Variants in DIS3L2 observed in about 807,000 individuals in gnomAD.
DIS3L2 encodes the protein DIS3-like exonuclease 2.
A neutral mutation model predicts 97.5 loss-of-function variants in DIS3L2; 34 were observed. The ratio of observed to expected loss-of-function variants is 0.35; its 90% confidence interval spans 0.27 to 0.46. The LOEUF (loss-of-function observed/expected upper bound fraction) is 0.46, where lower values mean the gene tolerates loss of function less well. Among genes scored for constraint, DIS3L2 ranks in the 20% least tolerant of loss-of-function variants. The probability of loss-of-function intolerance (pLI) is 1.00; values close to 1 mark genes in which losing one functional copy is unlikely to be tolerated. For synonymous variants in DIS3L2, 435 were observed against 445.2 expected, an observed-to-expected ratio of 0.98 and a Z score of 0.29; for missense variants, 1,038 against 1,146.0, an observed-to-expected ratio of 0.91 and a Z score of 1.36.
At position 232,335,976 on chromosome 2, in the gene DIS3L2, A is replaced by G. The variant is rs995131766; in HGVS notation, c.2496+102A>G. 17 of 1,536,030 alleles carry G rather than the reference A, an allele frequency of 1.1e-5. No individual in the cohort carries two copies. In the Middle Eastern group the frequency reaches 6.7e-4, roughly 61 times the overall value. ...TCATCTGTGTCCCCTGGGCTCCCCC[A>G]GCACTGCAGCCTCCCGGGTGGGGTT... On this transcript the variant is annotated intron_variant, in intron 20 of 20. Transcript: ENST00000325385.
chr2:232,334,884 G>C (rs1695890135), intron 19 of DIS3L2, 149 bp downstream of exon 19: 2 of 654,818 alleles, frequency 3.1e-6, no homozygotes, highest in Non-Finnish European at 5.2e-6. Flanking sequence ...GAGACGCCCA[G>C]CTCTCCCACC....
At chr2:232,044,582 TAC>T (rs1695188933) in intron 5 of DIS3L2, among the ~76,000 whole-genome samples, 1 of 152,132 alleles carries the variant, frequency 6.6e-6, no homozygotes, top group African/African-American at 2.4e-5. Flanking sequence ...CATATAGGTA[TAC>T]AAAGCTAGAA....
intron 6 of DIS3L2, among the ~76,000 whole-genome samples, chr2:232,098,424 G>A (rs1350291153): frequency 4.0e-5 from 6 of 150,832 alleles, no homozygotes; most frequent in African/African-American, 1.5e-4. Context: ...CACCATCTTG[G>A]CTCACTTTAA....
At chr2:232,103,108 G>A (rs1697253573) in intron 6 of DIS3L2, among the ~76,000 whole-genome samples, 1 of 152,110 alleles carries the variant, frequency 6.6e-6, no homozygotes, top group Non-Finnish European at 1.5e-5. Flanking sequence ...CAAACAGAAT[G>A]ACTTTTGTAA....
chr2:232,130,857 AT>A, intron 7 of DIS3L2, 138 bp downstream of exon 7: 1 of 1,258,320 alleles, frequency 7.9e-7, no homozygotes, highest in Non-Finnish European at 1.0e-6. Flanking sequence ...TAAAAAGTGA[AT>A]TAAAAAAAAA....
At chr2:232,091,171 A>G (rs1414999636) in intron 6 of DIS3L2, among the ~76,000 whole-genome samples, 2 of 152,232 alleles carry the variant, frequency 1.3e-5, no homozygotes, top group Non-Finnish European at 2.9e-5. Flanking sequence ...GGGACAACCA[A>G]TTAAAATTTT....
At chr2:232,224,852 AAAG>A (rs1164508459) in intron 10 of DIS3L2, among the ~76,000 whole-genome samples, 2 of 151,894 alleles carry the variant, frequency 1.3e-5, no homozygotes, top group Admixed American at 6.6e-5. Flanking sequence ...AAAAAAAAAA[AAAG>A]AAAAAAAATT....
intron 10 of DIS3L2, among the ~76,000 whole-genome samples, chr2:232,210,790 A>G (rs1692167912): frequency 6.7e-6 from 1 of 149,416 alleles, no homozygotes; most frequent in South Asian, 2.1e-4. Context: ...TGAATTTAAC[A>G]CCAAATAACG....
intron 12 of DIS3L2, among the ~76,000 whole-genome samples, chr2:232,256,107 A>G (rs1297467664): frequency 1.3e-5 from 2 of 152,192 alleles, no homozygotes; most frequent in Non-Finnish European, 2.9e-5. Flanking sequence ...TTGTCTCTCC[A>G]TTAAAACTTT....
At chr2:232,126,066 A>G (rs1574894631) in intron 6 of DIS3L2, among the ~76,000 whole-genome samples, 1 of 152,192 alleles carries the variant, frequency 6.6e-6, no homozygotes, top group South Asian at 2.1e-4. Flanking sequence ...AATCACTGCC[A>G]TTATCTTAAT....
At chr2:232,018,215 T>C (rs1694410245) in intron 3 of DIS3L2, among the ~76,000 whole-genome samples, 1 of 152,174 alleles carries the variant, frequency 6.6e-6, no homozygotes, top group Admixed American at 6.5e-5. Context: ...TAGCTTCAGC[T>C]CCCTTTTAGT....
rs937249326 is a variant in DIS3L2, at chr2:232,087,581, C to T, written c.461C>T (p.Ser154Phe). The T allele has an allele frequency of 3.1e-6, 5 of 1,613,998 alleles. No homozygotes were observed. The highest frequency in any genetic ancestry group is 1.3e-5 in the African/African-American group (1 of 74,880). ...TGTGGACACCATCTCCCGCAACAGT[C>T]CCTGAAAAGCTATAATGACAGTCCT... ...ELCGHHLPQQ[S>F]LKSYNDSPDV... The change falls in exon 6 of 21, where the codon TCC (serine) becomes TTC (phenylalanine). Residue 154 changes from serine (S) to phenylalanine (F), a missense_variant. Physicochemically the swap from Ser to Phe is radical, Grantham distance 155. Coordinates refer to ENST00000325385, the MANE Select transcript of DIS3L2 (RefSeq NM_152383.5).
intron 1 of DIS3L2, among the ~76,000 whole-genome samples, chr2:231,980,639 A>G (rs1693225162): frequency 6.6e-6 from 1 of 152,162 alleles, no homozygotes; most frequent in Non-Finnish European, 1.5e-5. Context: ...TGGAGGTTGC[A>G]GTAAGCCGAA....
At chr2:232,067,838 G>A (rs1362471732) in intron 5 of DIS3L2, among the ~76,000 whole-genome samples, 4 of 152,126 alleles carry the variant, frequency 2.6e-5, no homozygotes, top group Admixed American at 2.0e-4. Flanking sequence ...ATACAGTGCC[G>A]CTTATCAACA....
intron 10 of DIS3L2, among the ~76,000 whole-genome samples, chr2:232,230,407 T>G (rs545897263): frequency 6.6e-6 from 1 of 152,306 alleles, no homozygotes; most frequent in South Asian, 2.1e-4. Flanking sequence ...CTCAGCCCCC[T>G]TGGTTGGATT....
chr2:232,229,690 G>T (rs1188339432), intron 10 of DIS3L2, among the ~76,000 whole-genome samples: 1 of 152,224 alleles, frequency 6.6e-6, no homozygotes, highest in Non-Finnish European at 1.5e-5. Flanking sequence ...TTAGATGCCT[G>T]AGAATTACAT....
intron 8 of DIS3L2, among the ~76,000 whole-genome samples, chr2:232,160,630 C>T (rs575514272): frequency 3.3e-5 from 5 of 152,202 alleles, no homozygotes; most frequent in African/African-American, 1.2e-4. Flanking sequence ...AATCCCAGCA[C>T]TTTGGGAGGC....
At chr2:231,999,275 T>C (rs1304670505) in intron 1 of DIS3L2, among the ~76,000 whole-genome samples, 3 of 152,206 alleles carry the variant, frequency 2.0e-5, no homozygotes, top group Admixed American at 1.3e-4. Context: ...TGGCCATTTT[T>C]CCATTGGTTG....
At chr2:232,149,569 G>A (rs1690339024) in intron 8 of DIS3L2, among the ~76,000 whole-genome samples, 1 of 147,804 alleles carries the variant, frequency 6.8e-6, no homozygotes, top group Admixed American at 6.7e-5. Context: ...GTGTATTTGT[G>A]CCACATTTTC....
Sources: allele counts gnomAD v4.1 joint callset (sites outside exome capture counted in the v4.1 genomes callset), GRCh38; gene constraint gnomAD v4.1.1; transcripts MANE v1.5; gene names NCBI Gene and HGNC (gene_info 2026-07-23, HGNC 2026-07-21).